Variants in MEX3C observed in about 807,000 individuals in gnomAD.
MEX3C encodes the protein RNA-binding E3 ubiquitin-protein ligase MEX3C.
MEX3C carries 15 observed loss-of-function variants against 35.5 expected under a neutral mutation model. The observed-to-expected ratio is 0.42, with a 90% confidence interval of 0.28 to 0.65. The LOEUF (loss-of-function observed/expected upper bound fraction) is 0.65, where lower values mean the gene tolerates loss of function less well. Among genes scored for constraint, MEX3C ranks in the 30% least tolerant of loss-of-function variants. The pLI, the probability that MEX3C is intolerant of heterozygous loss-of-function variation, is 0.20. For synonymous variants in MEX3C, 390 were observed against 352.8 expected (o/e 1.11, Z -1.18); for missense variants, 711 against 842.8 (o/e 0.84, Z 1.94).
Position 51,196,844 on chromosome 18 carries a change from G to A in MEX3C, c.477C>T (p.Gly159=), listed in dbSNP as rs185405149. 3.6e-5 allele frequency: 56 copies of A among 1,536,942 alleles called. No individual in the cohort carries two copies. Among genetic ancestry groups the A allele is most frequent in the Non-Finnish European group, 4.8e-5 (55 of 1,145,272 alleles). ...GCAGCAGCACAGACCCCAGGGACCC[G>A]CCCGGGATCTGCTGGGTCTGAGAGG... The part of the protein sequence containing the change: ...ATASQTQQIP[G]GSLGSVLLPA... The change falls in exon 1 of 2, where the codon GGC becomes GGT. Residue 159 remains glycine (G), a synonymous_variant. Transcript: ENST00000406189.
chr18:51,196,488 C>T, intron 1 of MEX3C, 79 bp downstream of exon 1: 2 of 1,497,384 alleles, frequency 1.3e-6, no homozygotes, highest in Non-Finnish European at 1.8e-6. Context: ...TCGCCTTTTC[C>T]GTCCCACGCT....
chr18:51,189,227 G>C (rs79163133), intron 1 of MEX3C, among the ~76,000 whole-genome samples: 1 of 152,132 alleles, frequency 6.6e-6, no homozygotes, highest in Non-Finnish European at 1.5e-5. Context: ...TTGCAAAATT[G>C]AGAAGATTTT....
rs1912299013 is a variant in MEX3C at position 51,176,249 on chromosome 18, AAC to A, written c.*100_*101del. ...TAGCCTAATCCCAATAAAGCCTGAT[AAC>A]AGTCATAAGAAATCATTAGGAAGTT... On this transcript the variant is annotated 3_prime_UTR_variant, in exon 2 of 2. Coordinates refer to ENST00000406189, the MANE Select transcript of MEX3C (RefSeq NM_016626.5). The A allele has an allele frequency of 2.1e-5, 24 of 1,169,760 alleles. No homozygotes were observed. The South Asian group carries it at 4.1e-4, about 20-fold the overall frequency. 72.5% of individuals were successfully genotyped at this position (1,169,760 alleles called of 1,614,324 possible). A position where few individuals can be genotyped will look rare whatever the true frequency, so the allele number is the denominator to read the frequency against.
Position 51,196,836 on chromosome 18 carries a change from A to G in MEX3C, c.485T>C (p.Leu162Pro), listed in dbSNP as rs1483342748. The change falls in exon 1 of 2, where the codon CTG becomes CCG. Residue 162 changes from leucine to proline, a missense_variant. Around this residue, in one of 4 missense-constraint regions of MEX3C, gnomAD observed 354 missense variants for 311.6 expected, o/e 1.14. Transcript: ENST00000406189. ...SQTQQIPGGSLGSVLLPAARF... is the reference protein window; with the variant it reads ...SQTQQIPGGSPGSVLLPAARF... ...GGCGGCTGGCAGCAGCACAGACCCC[A>G]GGGACCCGCCCGGGATCTGCTGGGT... The G allele has an allele frequency of 1.3e-6, 2 of 1,535,214 alleles. No homozygotes were observed. The highest frequency in any genetic ancestry group is 1.7e-6 in the Non-Finnish European group (2 of 1,144,976).
rs1050256480 is a variant in MEX3C at position 51,174,981 on chromosome 18, A to T, written c.*1370T>A. On this transcript the variant is annotated 3_prime_UTR_variant, in exon 2 of 2. Transcript: ENST00000406189. ...AATACTGACCATTTACTATCCTACA[A>T]GCAATTAGCATTACATCATAATATG... is the stretch of plus-strand genomic sequence containing the variant. 1.3e-5 allele frequency: 2 copies of T among 152,646 alleles called. No homozygotes were observed. Among genetic ancestry groups the T allele is most frequent in the Non-Finnish European group, 2.9e-5 (2 of 68,038 alleles). 9.5% of individuals were successfully genotyped at this position (152,646 alleles called of 1,614,324 possible).
intron 1 of MEX3C, among the ~76,000 whole-genome samples, chr18:51,186,579 G>A (rs187938184): frequency 2.2e-3 from 342 of 152,294 alleles, no homozygotes; most frequent in Middle Eastern, 0.01. Context: ...CGACTTTATC[G>A]TGTAGTAGAA....
rs1450948662 is a variant in MEX3C at position 51,185,907 on chromosome 18, AAAT to A, written c.755-8334_755-8332del. The stretch of plus-strand genomic sequence containing the variant: ...AGACCCCCCCCTCTCTATAATAAAC[AAAT>A]AATATTAAAATAAAAATATCAAATA... On this transcript the variant is annotated intron_variant, in intron 1 of 1. Transcript: ENST00000406189. Among the ~76,000 whole-genome samples the A allele has an allele frequency of 7.2e-5, 11 of 152,246 alleles. No individual in the cohort carries two copies. In the East Asian group the frequency reaches 2.1e-3, roughly 29 times the overall value.
intron 1 of MEX3C, among the ~76,000 whole-genome samples, chr18:51,190,669 C>T (rs1226853282): frequency 1.4e-5 from 2 of 144,636 alleles, no homozygotes; most frequent in South Asian, 4.7e-4. Context: ...GGAAGAGGTC[C>T]TATAGTTAGT....
intron 1 of MEX3C, among the ~76,000 whole-genome samples, chr18:51,179,972 A>G (rs750481049): frequency 1.3e-5 from 2 of 152,200 alleles, no homozygotes; most frequent in Admixed American, 6.5e-5. Context: ...GAGACAGACA[A>G]TATTCTGCAG....
rs766759832 is a variant in MEX3C at position 51,177,494 on chromosome 18, G to T, written c.837C>A (p.Val279=). ...TGGCAACATCTTCTTTCCTTCCAGT[G>T]ACAACAAAAATGGGCTCTTCACCAC... ...PVRGEEPIFV[V]TGRKEDVAMA... Residue 279 remains valine, a synonymous_variant, in exon 2 of 2, where the codon GTC becomes GTA. Transcript: ENST00000406189. This position sits in a 1 kb window ranked among gnomAD's most constrained non-coding sequence, Gnocchi z 4.2. 1.9e-6 allele frequency: 3 copies of T among 1,613,842 alleles called. No homozygotes were observed.
chr18:51,177,447 G>A lies in MEX3C; in HGVS notation c.884C>T (p.Ser295Leu), dbSNP rs1368833721. Residue 295 changes from serine (S) to leucine (L), a missense_variant, in exon 2 of 2, where the codon TCA (serine) becomes TTA (leucine). Around this residue, in one of 4 missense-constraint regions of MEX3C, gnomAD observed 83 missense variants for 179.1 expected, o/e 0.46. Coordinates refer to ENST00000406189, the MANE Select transcript of MEX3C (RefSeq NM_016626.5). This position sits in a 1 kb window ranked among gnomAD's most constrained non-coding sequence, Gnocchi z 4.2. ...AATCATGGAGAAGTGCTCTGCAGCTGAGAGGATCTCTCTTTTGGCCATGGC... is the reference window on the plus strand; with the variant it reads ...AATCATGGAGAAGTGCTCTGCAGCTAAGAGGATCTCTCTTTTGGCCATGGC... Reference protein sequence around the residue: ...DVAMAKREILSAAEHFSMIRA... With the variant: ...DVAMAKREILLAAEHFSMIRA... 6.2e-7 allele frequency: 1 copy of A among 1,613,984 alleles called. No individual in the cohort carries two copies. The highest frequency in any genetic ancestry group is 8.5e-7 in the Non-Finnish European group (1 of 1,179,884).
At position 51,177,137 on chromosome 18, in the gene MEX3C, A is replaced by G. The variant is rs748694450; in HGVS notation, c.1194T>C (p.Tyr398=). Residue 398 remains tyrosine, a synonymous_variant, in exon 2 of 2, where the codon TAT becomes TAC. Coordinates refer to ENST00000406189, the MANE Select transcript of MEX3C (RefSeq NM_016626.5). The surrounding 1 kb of genome is among the most constrained non-coding windows in gnomAD (Gnocchi z 4.2). ...EMHIAMRTGN[Y]IELNEENDFH... is the part of the protein sequence containing the mutation. ...AATCATTCTCTTCATTGAGCTCTATATAGTTTCCTGTACGCATGGCAATAT... is the reference window on the plus strand; with the variant it reads ...AATCATTCTCTTCATTGAGCTCTATGTAGTTTCCTGTACGCATGGCAATAT... The G allele has an allele frequency of 4.3e-6, 7 of 1,613,946 alleles. No individual in the cohort carries two copies. Among genetic ancestry groups the G allele is most frequent in the Admixed American group, 3.3e-5 (2 of 60,028 alleles).
Position 51,176,359 on chromosome 18 carries a change from G to GA in MEX3C, c.1971dup (p.His658SerfsTer23). ...TATGTATATATATATAGTTAAGAGT[G>GA]AATTTGGATTGCCTGAGTAACAGCT... is the stretch of plus-strand genomic sequence containing the variant. On this transcript the variant is annotated frameshift_variant, in exon 2 of 2. Coordinates refer to ENST00000406189, the MANE Select transcript of MEX3C (RefSeq NM_016626.5). LOFTEE classifies it high-confidence loss of function. The GA allele has an allele frequency of 6.2e-7, 1 of 1,612,742 alleles. No individual in the cohort carries two copies. The highest frequency in any genetic ancestry group is 1.1e-5 in the South Asian group (1 of 90,944).
intron 1 of MEX3C, among the ~76,000 whole-genome samples, chr18:51,188,660 A>G (rs1158530409): frequency 6.6e-6 from 1 of 152,180 alleles, no homozygotes; most frequent in Admixed American, 6.6e-5. Context: ...AACCCCAATT[A>G]AAACAATATG....
At position 51,196,977 on chromosome 18, in the gene MEX3C, CCCT is replaced by C. The variant is rs1401657440; in HGVS notation, c.341_343del (p.Glu114del). 12 of 1,539,052 alleles carry C rather than the reference CCCT, an allele frequency of 7.8e-6. No individual in the cohort carries two copies. The highest frequency in any genetic ancestry group is 5.6e-5 in the African/African-American group (4 of 71,006). On this transcript the variant is annotated inframe_deletion, in exon 1 of 2. Transcript: ENST00000406189. Reference sequence around the variant, plus strand: ...GTCTCCGTCCAGCTCCGCTTCCTCCCCCTCCTCCTCGTCCTCTTCCAGCTCCAG... The same window carrying C: ...GTCTCCGTCCAGCTCCGCTTCCTCCCCCTCCTCGTCCTCTTCCAGCTCCAG...
At chr18:51,178,374 C>CT (rs80087001) in intron 1 of MEX3C, among the ~76,000 whole-genome samples, 4,657 of 144,984 alleles carry the variant, frequency 0.032, 125 homozygotes, top group African/African-American at 0.076. Flanking sequence ...CTTTAACCAA[C>CT]TTTTTTTTTT....
intron 1 of MEX3C, among the ~76,000 whole-genome samples, chr18:51,188,487 A>G (rs1468522190): frequency 7.2e-5 from 11 of 151,946 alleles, no homozygotes; most frequent in Non-Finnish European, 1.3e-4. Context: ...GGTGGTGTGC[A>G]CTTACCGTCC....
chr18:51,175,651 A>G lies in MEX3C; in HGVS notation c.*700T>C, dbSNP rs1912284242. ...TGGGAAAACCCAGGTGGCCATTTCC[A>G]CATTCACCAAGAGAGGCAATGGGCA... On this transcript the variant is annotated 3_prime_UTR_variant, in exon 2 of 2. Transcript: ENST00000406189. The G allele has an allele frequency of 1.3e-5, 2 of 152,614 alleles. No homozygotes were observed. The highest frequency in any genetic ancestry group is 6.6e-5 in the Admixed American group (1 of 15,260). 9.5% of individuals were successfully genotyped at this position (152,614 alleles called of 1,614,324 possible). A position where few individuals can be genotyped will look rare whatever the true frequency, so the allele number is the denominator to read the frequency against.
In MEX3C at chr18:51,196,851, A is replaced by G. The variant is rs1175042480; in HGVS notation, c.470T>C (p.Ile157Thr). The change falls in exon 1 of 2, where the codon ATC becomes ACC. Residue 157 changes from isoleucine (I) to threonine (T), a missense_variant. By Grantham distance (89) the Ile-to-Thr change is moderately conservative. This residue lies in a region of MEX3C where 354 missense variants were observed against 311.6 expected (regional missense o/e 1.14). Coordinates refer to ENST00000406189, the MANE Select transcript of MEX3C (RefSeq NM_016626.5). ...CACAGACCCCAGGGACCCGCCCGGG[A>G]TCTGCTGGGTCTGAGAGGCGGTGGC... ...PAATASQTQQIPGGSLGSVLL... is the reference protein window; with the variant it reads ...PAATASQTQQTPGGSLGSVLL... 6 of 1,537,508 alleles carry G rather than the reference A, an allele frequency of 3.9e-6. No homozygotes were observed. Among genetic ancestry groups the G allele is most frequent in the Non-Finnish European group, 5.2e-6 (6 of 1,145,274 alleles).
Sources: allele counts gnomAD v4.1 joint callset (sites outside exome capture counted in the v4.1 genomes callset), GRCh38; gene constraint gnomAD v4.1.1; regional missense constraint gnomAD v4.1.1; non-coding constraint Gnocchi (gnomAD v3.1); transcripts MANE v1.5; gene names NCBI Gene and HGNC (gene_info 2026-07-23, HGNC 2026-07-21).